The following GNS variants were observed in gnomAD, a reference collection of about 807,000 sequenced individuals.
GNS encodes the protein N-acetylglucosamine-6-sulfatase.
Under a neutral mutation model 69.7 loss-of-function variants are expected in GNS, and 40 were observed. That is an observed-to-expected ratio of 0.57 (90% CI 0.45 to 0.75). The LOEUF is 0.75. Ranked by LOEUF, GNS falls within the 30% of genes least tolerant of loss-of-function variation. GNS has a pLI of 0.00. For missense variants in GNS, 565 were observed against 685.5 expected (o/e 0.82, Z 1.96); for synonymous variants, 243 against 251.6 (o/e 0.97, Z 0.32).
chr12:64,722,158 C>T (rs1347387239), intron 11 of GNS, among the ~76,000 whole-genome samples: 1 of 151,992 alleles, frequency 6.6e-6, no homozygotes, highest in African/African-American at 2.4e-5. Context: ...CTGAGTAGCA[C>T]AGGCATGCAC....
At chr12:64,746,599 A>G (rs1316923096) in intron 3 of GNS, among the ~76,000 whole-genome samples, 1 of 152,262 alleles carries the variant, frequency 6.6e-6, no homozygotes, top group Non-Finnish European at 1.5e-5. Flanking sequence ...TGAGATGAAT[A>G]AAATAAAGAA....
At chr12:64,737,388 A>T (rs937632426) in intron 8 of GNS, among the ~76,000 whole-genome samples, 4 of 152,242 alleles carry the variant, frequency 2.6e-5, no homozygotes, top group Admixed American at 6.5e-5. Context: ...ACAAATACAT[A>T]AAAAATTATG....
rs148924072 is a variant in GNS, at chr12:64,743,125, T to C, written c.792+16A>G. On this transcript the variant is annotated intron_variant, in intron 6 of 13. Coordinates refer to ENST00000258145, the MANE Select transcript of GNS (RefSeq NM_002076.4). ...GATACTTAGTATGGCTGAATACAAG[T>C]GGTGGGGGAAGCTACCGTTCCATGG... 7.1e-4 allele frequency: 1,126 copies of C among 1,588,258 alleles called. 5 individuals carry two copies. In the African/African-American group the frequency reaches 0.014, roughly 19 times the overall value.
chr12:64,737,076 C>T lies in GNS; in HGVS notation c.1026G>A (p.Gln342=), dbSNP rs115586725. The change falls in exon 9 of 14, where the codon CAG becomes CAA. Residue 342 remains glutamine, a synonymous_variant. Coordinates refer to ENST00000258145, the MANE Select transcript of GNS (RefSeq NM_002076.4). ...GQFSLPIDKR[Q]LYEFDIKVPL... ...GAACTTTGATATCAAACTCATACAG[C>T]TGTCTCTTGTCTATTGGCAAGGAAA... The T allele has an allele frequency of 5.8e-4, 924 of 1,596,064 alleles. 9 individuals are homozygous for T. The African/African-American group carries it at 0.011, about 19-fold the overall frequency.
intron 1 of GNS, among the ~76,000 whole-genome samples, chr12:64,758,060 G>T (rs1870316381): frequency 1.3e-5 from 2 of 152,166 alleles, no homozygotes; most frequent in Non-Finnish European, 2.9e-5. Flanking sequence ...GCCTCCATGG[G>T]GAAGGGGTTG....
intron 6 of GNS, among the ~76,000 whole-genome samples, chr12:64,742,241 C>T (rs924705219): frequency 2.0e-5 from 3 of 152,132 alleles, no homozygotes; most frequent in African/African-American, 4.8e-5. Flanking sequence ...AGGATGGTCT[C>T]AATCTCCTGA....
intron 13 of GNS, among the ~76,000 whole-genome samples, chr12:64,719,537 T>C (rs888352562): frequency 6.6e-6 from 1 of 152,218 alleles, no homozygotes; most frequent in East Asian, 1.9e-4. Context: ...GGCTTATATA[T>C]TTCAACATCT....
At chr12:64,727,782 A>G (rs1024379579) in intron 10 of GNS, among the ~76,000 whole-genome samples, 1 of 152,282 alleles carries the variant, frequency 6.6e-6, no homozygotes, top group East Asian at 1.9e-4. Context: ...TCTCTACTAG[A>G]TATCTGGATT....
chr12:64,725,880 C>T (rs1869180046), intron 10 of GNS, among the ~76,000 whole-genome samples: 1 of 151,180 alleles, frequency 6.6e-6, no homozygotes, highest in Non-Finnish European at 1.5e-5. Flanking sequence ...CCTGTAGTCC[C>T]AGCTACTCGG....
At chr12:64,726,968 A>G (rs1466790697) in intron 10 of GNS, among the ~76,000 whole-genome samples, 1 of 152,050 alleles carries the variant, frequency 6.6e-6, no homozygotes, top group East Asian at 1.9e-4. Flanking sequence ...ATATGAACAC[A>G]TCTCCAAAGA....
At chr12:64,736,166 C>T (rs568619769) in intron 9 of GNS, among the ~76,000 whole-genome samples, 44 of 152,300 alleles carry the variant, frequency 2.9e-4, no homozygotes, top group Middle Eastern at 3.4e-3. Flanking sequence ...ATTCTTTTCT[C>T]CTGAGTGTTG....
chr12:64,721,215 C>G (rs189267237), intron 12 of GNS, among the ~76,000 whole-genome samples: 73 of 152,338 alleles, frequency 4.8e-4, no homozygotes, highest in Admixed American at 1.2e-3. Context: ...TAATCTATTA[C>G]AGCAGCATTG....
intron 3 of GNS, among the ~76,000 whole-genome samples, chr12:64,747,502 C>T (rs1592506272): frequency 1.3e-5 from 2 of 152,252 alleles, no homozygotes; most frequent in African/African-American, 4.8e-5. Flanking sequence ...CATATAAATA[C>T]ACAAGTTCTT....
chr12:64,739,233 C>T, intron 8 of GNS, 148 bp downstream of exon 8: 1 of 754,838 alleles, frequency 1.3e-6, no homozygotes, highest in Non-Finnish European at 2.4e-6. Context: ...TGATGTGGTG[C>T]TCCAACTGGA....
intron 6 of GNS, among the ~76,000 whole-genome samples, chr12:64,741,625 C>T (rs1014422047): frequency 2.0e-5 from 3 of 151,894 alleles, no homozygotes; most frequent in Non-Finnish European, 2.9e-5. Flanking sequence ...ATATCGGTCA[C>T]CCTAGATCCT....
chr12:64,731,897 C>T (rs1869402638), intron 9 of GNS, among the ~76,000 whole-genome samples: 1 of 152,072 alleles, frequency 6.6e-6, no homozygotes, highest in African/African-American at 2.4e-5. Flanking sequence ...GTTTGAGCCA[C>T]CACATTCCAA....
At chr12:64,749,122 G>T (rs1565627507) in intron 2 of GNS, among the ~76,000 whole-genome samples, 1 of 151,020 alleles carries the variant, frequency 6.6e-6, no homozygotes, top group Non-Finnish European at 1.5e-5. Flanking sequence ...TGTATTTTTA[G>T]TAGAGATGGG....
chr12:64,750,008 G>C (rs1277210656), intron 2 of GNS, among the ~76,000 whole-genome samples: 1 of 151,488 alleles, frequency 6.6e-6, no homozygotes, highest in Non-Finnish European at 1.5e-5. Flanking sequence ...TCCCAAAGTA[G>C]ATGGGACCAC....
intron 2 of GNS, among the ~76,000 whole-genome samples, chr12:64,751,276 TATTA>T (rs529556367): frequency 4.2e-4 from 64 of 152,330 alleles, no homozygotes; most frequent in African/African-American, 1.4e-3. Context: ...GGAAGAAAGT[TATTA>T]ATTTTTATTT....
Sources: allele counts gnomAD v4.1 joint callset (sites outside exome capture counted in the v4.1 genomes callset), GRCh38; gene constraint gnomAD v4.1.1; transcripts MANE v1.5; gene names NCBI Gene and HGNC (gene_info 2026-07-23, HGNC 2026-07-21).